The following DPH6 variants were observed in gnomAD, a reference collection of about 807,000 sequenced individuals.
DPH6 encodes the protein diphthamine biosynthesis 6.
Under a neutral mutation model 38.2 loss-of-function variants are expected in DPH6, and 33 were observed. The ratio of observed to expected loss-of-function variants is 0.86; its 90% CI spans 0.65 to 1.15. The LOEUF (loss-of-function observed/expected upper bound fraction) is 1.15, where lower values mean the gene tolerates loss of function less well. Ranked by LOEUF, DPH6 falls within the 50% of genes most tolerant of loss-of-function variation. The pLI is 0.00. For missense variants in DPH6, 325 were observed against 320.0 expected (o/e 1.02, Z -0.12); for synonymous variants, 108 against 103.0 (o/e 1.05, Z -0.30).
At chr15:35,387,837 C>T (rs1452860340) in intron 6 of DPH6, among the ~76,000 whole-genome samples, 1 of 152,138 alleles carries the variant, frequency 6.6e-6, no homozygotes, top group Middle Eastern at 3.4e-3. Context: ...CCTTTATTTC[C>T]GTCTCCTGCC....
chr15:35,172,879 T>C, the DPH6 span, among the ~76,000 whole-genome samples: 106,291 of 151,960 alleles, frequency 0.7, 37,832 homozygotes, highest in Middle Eastern at 0.78. Flanking sequence ...CATAAAGATT[T>C]TTATAATAAA....
At chr15:35,500,412 C>A (rs2054611187) in intron 3 of DPH6, among the ~76,000 whole-genome samples, 1 of 152,134 alleles carries the variant, frequency 6.6e-6, no homozygotes, top group Non-Finnish European at 1.5e-5. Flanking sequence ...CATTCACTAC[C>A]TTTTCTCAGA....
At chr15:35,156,528 G>T in the DPH6 span, among the ~76,000 whole-genome samples, 1 of 152,070 alleles carries the variant, frequency 6.6e-6, no homozygotes, top group Non-Finnish European at 1.5e-5. Flanking sequence ...GGGGGTAAAG[G>T]GGGTAGAGGA....
chr15:35,466,608 G>T (rs2054129432), intron 3 of DPH6, among the ~76,000 whole-genome samples: 1 of 152,104 alleles, frequency 6.6e-6, no homozygotes, highest in Non-Finnish European at 1.5e-5. Context: ...GTATACAGTT[G>T]TAAGATATTT....
At chr15:35,251,275 C>G (rs927292107) in intron 3 of DPH6, among the ~76,000 whole-genome samples, 4 of 152,020 alleles carry the variant, frequency 2.6e-5, no homozygotes, top group Non-Finnish European at 2.9e-5. Flanking sequence ...TTCTGTTACC[C>G]CTCCTGCAAC....
At chr15:35,544,607 T>C (rs906689296) in intron 1 of DPH6, among the ~76,000 whole-genome samples, 3 of 152,220 alleles carry the variant, frequency 2.0e-5, no homozygotes, top group African/African-American at 7.2e-5. Flanking sequence ...TGCATATATA[T>C]AGAATACATA....
chr15:35,454,769 G>A lies in DPH6; in HGVS notation c.364C>T (p.Gln122Ter). Residue 122 changes from glutamine (Q) to a stop codon, truncating the protein, a stop_gained, in exon 4 of 9, where the codon CAG becomes TAG. Transcript: ENST00000256538. LOFTEE classifies it high-confidence loss of function. ...ISVGAILSDYQRIRVENVCKR... is the reference protein window; with the variant it reads ...ISVGAILSDY Reference sequence around the variant, plus strand: ...TACACATTTTCCACTCGAATACGCTGATAGTCAGAAAGTATAGCACCTACT... The same window carrying A: ...TACACATTTTCCACTCGAATACGCTAATAGTCAGAAAGTATAGCACCTACT... The A allele has an allele frequency of 6.2e-7, 1 of 1,608,958 alleles. No individual in the cohort carries two copies. The highest frequency in any genetic ancestry group is 8.5e-7 in the Non-Finnish European group (1 of 1,178,060).
chr15:35,532,843 C>T (rs1290339331), intron 3 of DPH6, among the ~76,000 whole-genome samples: 2 of 152,160 alleles, frequency 1.3e-5, no homozygotes, highest in Non-Finnish European at 1.5e-5. Context: ...GTGGCTCACA[C>T]TTGTAGTCTC....
the DPH6 span, among the ~76,000 whole-genome samples, chr15:35,150,414 T>G: frequency 6.6e-6 from 1 of 152,328 alleles, no homozygotes; most frequent in Non-Finnish European, 1.5e-5. Context: ...TATGAACCCA[T>G]TTAAGAATCT....
chr15:35,450,734 C>A lies in DPH6; in HGVS notation c.456G>T (p.Glu152Asp). Residue 152 changes from glutamate to aspartate, a missense_variant, in exon 5 of 9, where the codon GAG (glutamate) becomes GAT (aspartate). Coordinates refer to ENST00000256538, the MANE Select transcript of DPH6 (RefSeq NM_080650.4). ...WQRNQEDLLREMISSNIQAMI... is the reference protein window; with the variant it reads ...WQRNQEDLLRDMISSNIQAMI... ...TTGCTTGAATGTTAGATGATATCAT[C>A]TCTCTGAGCAAATCTTCCTGGTTTC... The A allele has an allele frequency of 1.2e-6, 2 of 1,613,280 alleles. No individual in the cohort carries two copies. The highest frequency in any genetic ancestry group is 1.7e-6 in the Non-Finnish European group (2 of 1,179,632).
chr15:35,540,493 A>T (rs990429907), intron 2 of DPH6, among the ~76,000 whole-genome samples: 2 of 152,086 alleles, frequency 1.3e-5, no homozygotes, highest in African/African-American at 4.8e-5. Context: ...GAATTGTTCA[A>T]TAATTCCCAA....
intron 3 of DPH6, chr15:35,489,555 C>A: frequency 1.0e-6 from 1 of 983,192 alleles, no homozygotes; most frequent in Non-Finnish European, 1.2e-6. Flanking sequence ...CTATATCTTT[C>A]TCATGTTTAA....
At chr15:35,190,090 G>A in the DPH6 span, among the ~76,000 whole-genome samples, 8 of 152,078 alleles carry the variant, frequency 5.3e-5, no homozygotes. Flanking sequence ...GGAGGATATG[G>A]AAGGCAATTG....
chr15:35,327,983 C>T (rs963332519), downstream of DPH6, among the ~76,000 whole-genome samples: 3 of 152,188 alleles, frequency 2.0e-5, no homozygotes, highest in Non-Finnish European at 4.4e-5. Flanking sequence ...CAGCATAATG[C>T]TATGACTGTA....
chr15:35,228,988 T>C (rs925150950), intron 3 of DPH6, among the ~76,000 whole-genome samples: 2 of 152,216 alleles, frequency 1.3e-5, no homozygotes, highest in African/African-American at 2.4e-5. Context: ...TCTTTATCCT[T>C]GACCTTTGAA....
intron 3 of DPH6, among the ~76,000 whole-genome samples, chr15:35,484,481 C>T (rs1009654286): frequency 6.6e-5 from 10 of 152,128 alleles, no homozygotes; most frequent in African/African-American, 1.7e-4. Flanking sequence ...TTTATATGGC[C>T]GTTGGCAGAA....
intron 3 of DPH6, among the ~76,000 whole-genome samples, chr15:35,257,213 T>A (rs550490884): frequency 4.6e-5 from 7 of 152,274 alleles, no homozygotes; most frequent in African/African-American, 1.4e-4. Context: ...AGGGTACTAG[T>A]TTTTTGTGTT....
intron 3 of DPH6, among the ~76,000 whole-genome samples, chr15:35,318,798 T>C (rs2052215293): frequency 6.6e-6 from 1 of 152,122 alleles, no homozygotes; most frequent in Admixed American, 6.5e-5. Context: ...TTTTAAAAAA[T>C]GTGTATAATG....
chr15:35,158,416 T>C, the DPH6 span, among the ~76,000 whole-genome samples: 3 of 152,112 alleles, frequency 2.0e-5, no homozygotes, highest in Non-Finnish European at 4.4e-5. Context: ...TGTAATATGA[T>C]TCATTTTAAA....
Sources: allele counts gnomAD v4.1 joint callset (sites outside exome capture counted in the v4.1 genomes callset), GRCh38; gene constraint gnomAD v4.1.1; transcripts MANE v1.5; gene names NCBI Gene and HGNC (gene_info 2026-07-23, HGNC 2026-07-21).